Variants in SLC35D1 observed in about 807,000 individuals in gnomAD.
SLC35D1 encodes solute carrier family 35 member D1.
Under a neutral mutation model 46.7 loss-of-function variants are expected in SLC35D1, and 31 were observed. The ratio of observed to expected loss-of-function variants is 0.66; its 90% CI spans 0.50 to 0.90. The LOEUF (loss-of-function observed/expected upper bound fraction) is 0.90, where lower values mean the gene tolerates loss of function less well. Ranked by LOEUF, SLC35D1 falls within the 40% of genes least tolerant of loss-of-function variation. SLC35D1 has a pLI of 0.00. For missense variants in SLC35D1, 397 were observed against 426.2 expected (o/e 0.93, Z 0.60); for synonymous variants, 195 against 164.6 (o/e 1.18, Z -1.41).
chr1:66,995,798 C>T (rs573420950), downstream of SLC35D1, among the ~76,000 whole-genome samples: 2 of 152,304 alleles, frequency 1.3e-5, no homozygotes, highest in East Asian at 3.9e-4. Context: ...TGAAATTCCT[C>T]CTCCCATACA....
chr1:67,042,765 T>G (rs950228179), intron 7 of SLC35D1, among the ~76,000 whole-genome samples: 3 of 152,122 alleles, frequency 2.0e-5, no homozygotes, highest in Non-Finnish European at 4.4e-5. Flanking sequence ...ACAGTGTCAT[T>G]TAAGAAAGAT....
At chr1:66,974,388 T>C in the SLC35D1 span, among the ~76,000 whole-genome samples, 1 of 152,102 alleles carries the variant, frequency 6.6e-6, no homozygotes, top group Non-Finnish European at 1.5e-5. Flanking sequence ...AAAAGTTCGT[T>C]GTTTCATGGT....
chr1:67,052,871 A>C lies in SLC35D1; in HGVS notation c.238-14T>G. The C allele has an allele frequency of 1.9e-6, 3 of 1,614,116 alleles. No individual in the cohort carries two copies. The highest frequency in any genetic ancestry group is 2.5e-6 in the Non-Finnish European group (3 of 1,179,950). On this transcript the variant is annotated splice_polypyrimidine_tract_variant and intron_variant, in intron 2 of 11. Coordinates refer to ENST00000235345, the MANE Select transcript of SLC35D1 (RefSeq NM_015139.3). ...TGTGGCCACCATCTGTAAACAAGAG[A>C]ACACAGATTCACTGTTCTACACATA...
chr1:67,030,364 C>T (rs1667993289), intron 8 of SLC35D1, among the ~76,000 whole-genome samples: 1 of 152,134 alleles, frequency 6.6e-6, no homozygotes, highest in East Asian at 1.9e-4. Context: ...CTAAGCTATT[C>T]TTTTATCCCA....
the SLC35D1 span, chr1:66,986,133 G>A: frequency 8.8e-7 from 1 of 1,138,552 alleles, no homozygotes. Context: ...TTTATGAAGA[G>A]AAAGTGAAGT....
intron 6 of SLC35D1, 144 bp downstream of exon 6, chr1:67,049,638 T>C: frequency 6.7e-6 from 5 of 747,842 alleles, no homozygotes; most frequent in Non-Finnish European, 1.1e-5. Flanking sequence ...GCCAAAAAGA[T>C]TTAACCTTTT....
chr1:67,047,356 G>T lies in SLC35D1; in HGVS notation c.545C>A (p.Ala182Glu). 6.2e-7 allele frequency: 1 copy of T among 1,612,878 alleles called. No individual in the cohort carries two copies. Residue 182 changes from alanine (A) to glutamate (E), a missense_variant, in exon 7 of 12, where the codon GCA becomes GAA. Transcript: ENST00000235345. The part of the protein sequence containing the change: ...GAFVAASSDL[A>E]FDLEGYAFIL... ...AAAAGCATATCCTTCCAGATCAAAT[G>T]CCAAGTCAGAGCTGCAAAACATAAG...
At chr1:66,988,885 A>G in the SLC35D1 span, among the ~76,000 whole-genome samples, 1 of 152,224 alleles carries the variant, frequency 6.6e-6, no homozygotes, top group African/African-American at 2.4e-5. Context: ...CTGTTCTTCA[A>G]GAAGGCAGCA....
chr1:66,985,904 T>G, the SLC35D1 span: 6 of 977,412 alleles, frequency 6.1e-6, no homozygotes, highest in Non-Finnish European at 7.3e-6. Flanking sequence ...GATTGCAGTT[T>G]GTTTTGCATT....
At chr1:67,037,180 G>T (rs1558162066) in intron 8 of SLC35D1, among the ~76,000 whole-genome samples, 2 of 151,982 alleles carry the variant, frequency 1.3e-5, no homozygotes, top group Admixed American at 1.3e-4. Context: ...TATTATTTTT[G>T]ATGGGTTCAT....
Position 67,049,890 on chromosome 1 carries a change from T to G in SLC35D1, c.465-40A>C, listed in dbSNP as rs185235270. 1,424 of 1,415,084 alleles carry G rather than the reference T, an allele frequency of 1.0e-3. 4 individuals carry two copies. Among genetic ancestry groups the G allele is most frequent in the Admixed American group, 6.6e-3 (388 of 58,356 alleles). 87.7% of individuals were successfully genotyped at this position (1,415,084 alleles called of 1,614,324 possible). ...ATTTTAAAATACACACATGACTTTA[T>G]TCCCACACTCATTTTACAACAGAAG... On this transcript the variant is annotated intron_variant, in intron 5 of 11. Coordinates refer to ENST00000235345, the MANE Select transcript of SLC35D1 (RefSeq NM_015139.3).
intron 8 of SLC35D1, among the ~76,000 whole-genome samples, chr1:67,038,731 G>C (rs1466070627): frequency 6.6e-6 from 1 of 152,104 alleles, no homozygotes; most frequent in Non-Finnish European, 1.5e-5. Context: ...TTTTAAGTTA[G>C]AAGATACATG....
At chr1:66,981,995 G>A in the SLC35D1 span, 5 of 1,506,116 alleles carry the variant, frequency 3.3e-6, no homozygotes, top group Non-Finnish European at 4.6e-6. Context: ...AATTCCGTTT[G>A]GGTTTCTATT....
At chr1:67,009,872 G>C (rs1359364337) in intron 10 of SLC35D1, among the ~76,000 whole-genome samples, 1 of 152,114 alleles carries the variant, frequency 6.6e-6, no homozygotes, top group African/African-American at 2.4e-5. Context: ...CTACCAAAGA[G>C]ACCCATGTAT....
intron 11 of SLC35D1, among the ~76,000 whole-genome samples, chr1:67,008,652 T>TA (rs1667499666): frequency 6.6e-6 from 1 of 152,142 alleles, no homozygotes; most frequent in Non-Finnish European, 1.5e-5. Flanking sequence ...GTCATGGACA[T>TA]ATTCATTAGC....
intron 7 of SLC35D1, among the ~76,000 whole-genome samples, chr1:67,043,862 C>T (rs1358720524): frequency 6.6e-6 from 1 of 152,104 alleles, no homozygotes; most frequent in Non-Finnish European, 1.5e-5. Flanking sequence ...AAGCAGTCTC[C>T]TGAAAATGCA....
At chr1:66,983,955 A>T in the SLC35D1 span, among the ~76,000 whole-genome samples, 72 of 152,286 alleles carry the variant, frequency 4.7e-4, no homozygotes, top group Admixed American at 2.4e-3. Flanking sequence ...TGAACTCCTG[A>T]CCTCATGATA....
At chr1:67,042,494 T>C (rs1645201020) in intron 7 of SLC35D1, among the ~76,000 whole-genome samples, 166 bp from the exon 8 acceptor site, 1 of 152,018 alleles carries the variant, frequency 6.6e-6, no homozygotes, top group Non-Finnish European at 1.5e-5. Context: ...CATTAAGAAA[T>C]AATCTAAACT....
intron 10 of SLC35D1, among the ~76,000 whole-genome samples, chr1:67,015,742 A>C (rs897379026): frequency 6.6e-6 from 1 of 152,206 alleles, no homozygotes; most frequent in Non-Finnish European, 1.5e-5. Flanking sequence ...AATAATTTTT[A>C]AAATTTTATT....
Sources: allele counts gnomAD v4.1 joint callset (sites outside exome capture counted in the v4.1 genomes callset), GRCh38; gene constraint gnomAD v4.1.1; transcripts MANE v1.5; gene names NCBI Gene and HGNC (gene_info 2026-07-23, HGNC 2026-07-21).